Variants in RALGDS observed in about 807,000 individuals in gnomAD.
RALGDS encodes ral guanine nucleotide exchange factor.
In RALGDS, 44 loss-of-function variants were observed where a neutral mutation model predicts 99.8. The observed-to-expected ratio is 0.44, with a 90% CI of 0.35 to 0.57. The LOEUF is 0.57. RALGDS is among the 20% of genes least tolerant of loss of function. The pLI, the probability that RALGDS is intolerant of heterozygous loss-of-function variation, is 0.01. For synonymous variants in RALGDS, 529 were observed against 505.0 expected, an observed-to-expected ratio of 1.05 and a Z score of -0.64; for missense variants, 1,022 against 1,203.1, an observed-to-expected ratio of 0.85 and a Z score of 2.23.
intron 12 of RALGDS, 147 bp from the exon 13 acceptor site, chr9:133,103,047 CAGG>C: frequency 7.1e-7 from 1 of 1,414,570 alleles, no homozygotes; most frequent in Non-Finnish European, 9.7e-7. Context: ...AGCCACTCCC[CAGG>C]AGGTGGTCCT....
In RALGDS at chr9:133,102,546, G is replaced by C. The variant is rs775715254; in HGVS notation, c.1939C>G (p.Pro647Ala). Residue 647 changes from proline (P) to alanine (A), a missense_variant, in exon 14 of 18, where the codon CCC (proline) becomes GCC (alanine). By Grantham distance (27) the Pro-to-Ala change is conservative. Coordinates refer to ENST00000372050, the MANE Select transcript of RALGDS (RefSeq NM_006266.4). The part of the protein sequence containing the change: ...ESYNLSCELE[P>A]PSESASNTLR... ...GTGTTGCTGGCTGACTCGGATGGGG[G>C]CTCCAGCTCGCACGACAGGTTGTAG... The C allele has an allele frequency of 1.2e-6, 2 of 1,614,062 alleles. No homozygotes were observed.
intron 1 of RALGDS, among the ~76,000 whole-genome samples, chr9:133,118,264 A>C (rs1184770782): frequency 6.6e-6 from 1 of 152,242 alleles, no homozygotes; most frequent in African/African-American, 2.4e-5. Flanking sequence ...CTTCAGTGTC[A>C]AAGTGCTCAT....
intron 6 of RALGDS, 151 bp downstream of exon 6, chr9:133,107,837 G>C: frequency 2.1e-6 from 2 of 958,840 alleles, no homozygotes; most frequent in East Asian, 2.6e-5. Flanking sequence ...TGAGGACTTG[G>C]GGTTAAGGAA....
intron 4 of RALGDS, 96 bp downstream of exon 4, chr9:133,109,530 C>T: frequency 8.7e-7 from 1 of 1,144,866 alleles, no homozygotes; most frequent in Non-Finnish European, 1.3e-6. Flanking sequence ...AGCCAGGGTT[C>T]TGCCCAGCCA....
At chr9:133,107,406 C>T (rs1046954687) in intron 6 of RALGDS, 106 bp from the exon 7 acceptor site, 8 of 1,056,000 alleles carry the variant, frequency 7.6e-6, no homozygotes, top group Non-Finnish European at 8.5e-6. Flanking sequence ...TGGGTTTTAT[C>T]CCGTGTCCAT....
intron 1 of RALGDS, among the ~76,000 whole-genome samples, chr9:133,115,132 C>T (rs1397028586): frequency 1.3e-5 from 2 of 152,186 alleles, no homozygotes; most frequent in East Asian, 1.9e-4. Flanking sequence ...AGGAACCCTA[C>T]GGGGCCTGCC....
rs757509623 is a variant in RALGDS at position 133,108,253 on chromosome 9, G to A, written c.932C>T (p.Pro311Leu). 3.1e-6 allele frequency: 5 copies of A among 1,598,126 alleles called. No individual in the cohort carries two copies. In the African/African-American group the frequency reaches 4.0e-5, roughly 13 times the overall value. Reference sequence around the variant, plus strand: ...TGGAGCCTGCTGGAGCTCCGGAGCTGGTGCTGGAGCTACTTCTAGCTCTGA... The same window carrying A: ...TGGAGCCTGCTGGAGCTCCGGAGCTAGTGCTGGAGCTACTTCTAGCTCTGA... ...PGSELEVAPA[P>L]APELQQAPEP... The change falls in exon 6 of 18, where the codon CCA becomes CTA. Residue 311 changes from proline (P) to leucine (L), a missense_variant. By Grantham distance (98) the Pro-to-Leu change is moderately conservative. Coordinates refer to ENST00000372050, the MANE Select transcript of RALGDS (RefSeq NM_006266.4).
rs565140684 is a variant in RALGDS at position 133,107,056 on chromosome 9, T to G, written c.1413+29A>C. The G allele has an allele frequency of 2.1e-5, 34 of 1,609,606 alleles. No individual in the cohort carries two copies. In the South Asian group the frequency reaches 3.1e-4, roughly 15 times the overall value. On this transcript the variant is annotated intron_variant, in intron 7 of 17. Transcript: ENST00000372050. Reference sequence around the variant, plus strand: ...AACCTGAGAACAGATGAAGCCAAAGTGGGGGCCCAGGCCCCTCCTCTGGCA... The same window carrying G: ...AACCTGAGAACAGATGAAGCCAAAGGGGGGGCCCAGGCCCCTCCTCTGGCA...
rs200073584 is a variant in RALGDS, at chr9:133,103,732, G to A, written c.1758+15C>T. The A allele has an allele frequency of 5.7e-4, 923 of 1,612,212 alleles. 5 individuals are homozygous for A. The African/African-American group carries it at 0.01, about 18-fold the overall frequency. ...TCCTCCCGGGCCCTACTCCAGCCCC[G>A]CCCGGCACACTCACATACAGATAGT... On this transcript the variant is annotated intron_variant, in intron 11 of 17. Transcript: ENST00000372050.
intron 1 of RALGDS, chr9:133,148,937 C>A (rs529087091): frequency 1.2e-6 from 2 of 1,601,394 alleles, no homozygotes; most frequent in Non-Finnish European, 1.7e-6. Flanking sequence ...ACCCGCGACG[C>A]GAGGCTGGGG....
At chr9:133,135,197 C>A (rs565980889), upstream of RALGDS, among the ~76,000 whole-genome samples, 12 of 152,270 alleles carry the variant, frequency 7.9e-5, no homozygotes, top group African/African-American at 2.9e-4. Context: ...CCCGGGGACT[C>A]CCAGGAGCAG....
At position 133,108,836 on chromosome 9, in the gene RALGDS, C is replaced by T. The variant is rs1831200731; in HGVS notation, c.615G>A (p.Leu205=). The change falls in exon 5 of 18, where the codon CTG becomes CTA. Residue 205 remains leucine (L), a synonymous_variant. Coordinates refer to ENST00000372050, the MANE Select transcript of RALGDS (RefSeq NM_006266.4). ...GACAGAAATCCTCCGAGTACTGGTC[C>T]AGCCAGGTGCCCAGGATGGAGGAGA... ...NAISSILGTW[L]DQYSEDFCQP... The T allele has an allele frequency of 6.2e-7, 1 of 1,612,914 alleles. No homozygotes were observed. The highest frequency in any genetic ancestry group is 1.1e-5 in the South Asian group (1 of 91,066).
chr9:133,111,971 G>A (rs906782640), intron 2 of RALGDS, 71 bp downstream of exon 2: 147 of 1,133,222 alleles, frequency 1.3e-4, no homozygotes, highest in Admixed American at 7.9e-5. Context: ...AGAACTGGGG[G>A]CCCTCAAGTG....
In RALGDS at chr9:133,110,411, C is replaced by G. The variant is rs1313670731; in HGVS notation, c.373G>C (p.Val125Leu). ...TVKAGTLEKL[V>L]EHLVPAFQGS... ...TGGAAGGCTGGCACCAGGTGCTCCA[C>G]CAGCTTCTCCAGCGTGCCAGCCTTC... The change falls in exon 3 of 18, where the codon GTG becomes CTG. Residue 125 changes from valine to leucine, a missense_variant. By Grantham distance (32) the Val-to-Leu change is conservative. This residue lies in a region of RALGDS where 17 missense variants were observed against 39.3 expected (regional missense o/e 0.43). Transcript: ENST00000372050. The G allele has an allele frequency of 1.9e-6, 3 of 1,613,316 alleles. No individual in the cohort carries two copies. The highest frequency in any genetic ancestry group is 1.7e-6 in the Non-Finnish European group (2 of 1,179,716).
intron 1 of RALGDS, chr9:133,130,894 C>T: frequency 6.8e-7 from 1 of 1,471,874 alleles, no homozygotes; most frequent in East Asian, 2.5e-5. Flanking sequence ...GCCCCAACCC[C>T]AAAGCCCAGA....
chr9:133,117,630 G>T (rs558897266), intron 1 of RALGDS, among the ~76,000 whole-genome samples: 3 of 152,260 alleles, frequency 2.0e-5, no homozygotes, highest in Non-Finnish European at 2.9e-5. Context: ...ATGCATCAGT[G>T]TCTGCCCCTT....
chr9:133,098,736 C>T lies in RALGDS; in HGVS notation c.2596G>A (p.Val866Ile), dbSNP rs539826984. 4.3e-6 allele frequency: 7 copies of T among 1,614,044 alleles called. No homozygotes were observed. Among genetic ancestry groups the T allele is most frequent in the African/African-American group, 1.3e-5 (1 of 75,018 alleles). ...GCGGTAGAGTTCATGGCATAGAAGA[C>T]GTTGGCGTTTTCAGGGATCTTCAGC... ...RKLKIPENAN[V>I]FYAMNSTANY... The change falls in exon 18 of 18, where the codon GTC (valine) becomes ATC (isoleucine). Residue 866 changes from valine to isoleucine, a missense_variant. By Grantham distance (29) the Val-to-Ile change is conservative. Coordinates refer to ENST00000372050, the MANE Select transcript of RALGDS (RefSeq NM_006266.4).
At position 133,144,239 on chromosome 9, in the gene RALGDS, G is replaced by C. The variant is rs1832586396; in HGVS notation, c.18+4724C>G. 6.6e-6 allele frequency among the ~76,000 whole-genome samples: 1 copy of C among 152,168 alleles called. No individual in the cohort carries two copies. Among genetic ancestry groups the C allele is most frequent in the East Asian group, 1.9e-4 (1 of 5,182 alleles). ...GGCCTGAGAAAGGCCGGCTCAGCTTGCAGGCGAGGAACCAAACGAAAGGCA... is the reference window on the plus strand; with the variant it reads ...GGCCTGAGAAAGGCCGGCTCAGCTTCCAGGCGAGGAACCAAACGAAAGGCA... On this transcript the variant is annotated intron_variant, in intron 1 of 17. Transcript: ENST00000393160. The surrounding 1 kb of genome is among the most constrained non-coding windows in gnomAD (Gnocchi z 4.5).
chr9:133,137,087 T>TA (rs1422081938), intron 1 of RALGDS, among the ~76,000 whole-genome samples: 2 of 151,276 alleles, frequency 1.3e-5, no homozygotes, highest in African/African-American at 4.9e-5. Context: ...ATACAAAAAA[T>TA]AGACGGGTGT....
Sources: allele counts gnomAD v4.1 joint callset (sites outside exome capture counted in the v4.1 genomes callset), GRCh38; gene constraint gnomAD v4.1.1; regional missense constraint gnomAD v4.1.1; non-coding constraint Gnocchi (gnomAD v3.1); transcripts MANE v1.5; gene names NCBI Gene and HGNC (gene_info 2026-07-23, HGNC 2026-07-21).